Variants in NAA35 observed in about 807,000 individuals in gnomAD.
NAA35 encodes MAK10 homolog, amino-acid N-acetyltransferase subunit.
In NAA35, 18 loss-of-function variants were observed where a neutral mutation model predicts 101.7. That is an observed-to-expected ratio of 0.18 (90% CI 0.12 to 0.26). NAA35 has a LOEUF of 0.26. Among genes scored for constraint, NAA35 ranks in the 10% least tolerant of loss-of-function variants. The pLI, the probability that NAA35 is intolerant of heterozygous loss-of-function variation, is 1.00. For missense variants in NAA35, 601 were observed against 886.8 expected (o/e 0.68, Z 4.09); for synonymous variants, 267 against 273.1 (o/e 0.98, Z 0.22).
intron 13 of NAA35, among the ~76,000 whole-genome samples, chr9:86,006,396 C>T (rs1046314764): frequency 1.3e-5 from 2 of 152,212 alleles, no homozygotes; most frequent in South Asian, 2.1e-4. Flanking sequence ...AAACAGACAA[C>T]CCAAATGTTC....
intron 2 of NAA35, among the ~76,000 whole-genome samples, chr9:85,942,845 T>C (rs1000697965): frequency 6.6e-6 from 1 of 152,242 alleles, no homozygotes; most frequent in African/African-American, 2.4e-5. Flanking sequence ...TTGTTTTCTT[T>C]CTTTTAAATT....
At chr9:85,941,898 T>C (rs1305436097) in intron 1 of NAA35, 23 of 1,183,872 alleles carry the variant, frequency 1.9e-5, no homozygotes, top group Non-Finnish European at 2.3e-5. Flanking sequence ...TGATTTTTCT[T>C]CTTAAACAGT....
At chr9:85,959,364 G>A (rs1829411057) in intron 4 of NAA35, among the ~76,000 whole-genome samples, 1 of 146,348 alleles carries the variant, frequency 6.8e-6, no homozygotes, top group South Asian at 2.1e-4. Context: ...GCGACAGAGT[G>A]AGACTCTGTC....
At chr9:85,956,265 C>A in intron 2 of NAA35, 95 bp from the exon 3 acceptor site, 2 of 690,716 alleles carry the variant, frequency 2.9e-6, no homozygotes, top group Non-Finnish European at 4.6e-6. Flanking sequence ...TAAAGTAATA[C>A]AAGCACATCT....
chr9:86,004,750 TAAAAG>T (rs777216859), intron 13 of NAA35, among the ~76,000 whole-genome samples: 29 of 152,146 alleles, frequency 1.9e-4, no homozygotes, highest in Non-Finnish European at 3.7e-4. Context: ...CTGTAAACAT[TAAAAG>T]AATAGTAATG....
chr9:86,015,374 C>G (rs960076529), intron 17 of NAA35, among the ~76,000 whole-genome samples: 1 of 151,928 alleles, frequency 6.6e-6, no homozygotes, highest in African/African-American at 2.4e-5. Context: ...AGATTGGGCT[C>G]CTGCATTTCC....
Position 85,952,766 on chromosome 9 carries a change from GAAGTC to G in NAA35, c.125-3590_125-3586del, listed in dbSNP as rs1346297781. ...AGGTACCTTATGGTGCAAAATTTAAGAAGTCAAGAACTAAAAGTGAGTACATTTTG... is the reference window on the plus strand; with the variant it reads ...AGGTACCTTATGGTGCAAAATTTAAGAAGAACTAAAAGTGAGTACATTTTG... On this transcript the variant is annotated intron_variant, in intron 2 of 22. Coordinates refer to ENST00000361671, the MANE Select transcript of NAA35 (RefSeq NM_024635.4). Among the ~76,000 whole-genome samples, 3 of 152,190 alleles carry G rather than the reference GAAGTC, an allele frequency of 2.0e-5. No homozygotes were observed. In the East Asian group the frequency reaches 5.8e-4, roughly 29 times the overall value.
At chr9:85,977,257 T>G in intron 9 of NAA35, 106 bp from the exon 10 acceptor site, 1 of 785,504 alleles carries the variant, frequency 1.3e-6, no homozygotes. Flanking sequence ...GTGCCTGTAA[T>G]GTAGTAAGTT....
chr9:85,945,176 G>T (rs1410204389), intron 2 of NAA35, among the ~76,000 whole-genome samples: 1 of 152,154 alleles, frequency 6.6e-6, no homozygotes, highest in African/African-American at 2.4e-5. Context: ...GAGAGGGGGT[G>T]ACATGCCATT....
rs1447427051 is a variant in NAA35 at position 85,961,050 on chromosome 9, CAG to C, written c.349-960_349-959del. ...TGGTGGAGAAGGAGGAAAGGATAAA[CAG>C]AGGGAGGATTTTTGCCAAAGTTGAG... On this transcript the variant is annotated intron_variant, in intron 5 of 22. Coordinates refer to ENST00000361671, the MANE Select transcript of NAA35 (RefSeq NM_024635.4). Among the ~76,000 whole-genome samples the C allele has an allele frequency of 2.6e-5, 4 of 152,194 alleles. 1 individual carries two copies. Among genetic ancestry groups the C allele is most frequent in the African/African-American group, 4.8e-5 (2 of 41,546 alleles).
At chr9:85,977,274 A>C (rs1326218493) in intron 9 of NAA35, 89 bp from the exon 10 acceptor site, 2 of 906,710 alleles carry the variant, frequency 2.2e-6, no homozygotes, top group African/African-American at 1.6e-5. Context: ...AGTTATTAAC[A>C]TTGAGATTTA....
intron 2 of NAA35, among the ~76,000 whole-genome samples, 196 bp from the exon 3 acceptor site, chr9:85,956,164 G>T (rs186513401): frequency 1.3e-5 from 2 of 151,932 alleles, no homozygotes; most frequent in African/African-American, 4.8e-5. Context: ...TTGATTTATC[G>T]TATTCTTTTG....
At chr9:85,972,923 T>C (rs1830056820) in intron 6 of NAA35, among the ~76,000 whole-genome samples, 1 of 152,188 alleles carries the variant, frequency 6.6e-6, no homozygotes, top group Admixed American at 6.5e-5. Context: ...TATATGTAAT[T>C]AAATACACAT....
At chr9:86,018,848 G>A (rs368361946) in intron 21 of NAA35, 27 bp downstream of exon 21, 186 of 1,605,396 alleles carry the variant, frequency 1.2e-4, no homozygotes, top group Non-Finnish European at 1.4e-4. Context: ...AGTAATTCTA[G>A]GGGAAAAGCG....
At chr9:85,966,518 A>C in intron 6 of NAA35, 1 of 706,520 alleles carries the variant, frequency 1.4e-6, no homozygotes, top group South Asian at 2.1e-5. Flanking sequence ...ACTATAATCC[A>C]GGAAATACAA....
At chr9:85,998,236 A>C (rs1355868523) in intron 12 of NAA35, among the ~76,000 whole-genome samples, 1 of 152,156 alleles carries the variant, frequency 6.6e-6, no homozygotes, top group Non-Finnish European at 1.5e-5. Flanking sequence ...ATAGTTTTAC[A>C]TGTAAAAATG....
chr9:85,976,773 A>G (rs1830228607), intron 9 of NAA35, 38 bp downstream of exon 9: 1 of 1,433,324 alleles, frequency 7.0e-7, no homozygotes, highest in East Asian at 2.3e-5. Context: ...ATATCAGAGA[A>G]GTCTACCTGT....
Position 85,967,021 on chromosome 9 carries a change from C to T in NAA35, c.516+4841C>T, listed in dbSNP as rs894143292. On this transcript the variant is annotated intron_variant, in intron 6 of 22. Transcript: ENST00000361671. ...ACTTGGGAGGCTGAGGTGGGAGAATCGCTTGAACCCGGGAGGCTGAGGTGG... is the reference window on the plus strand; with the variant it reads ...ACTTGGGAGGCTGAGGTGGGAGAATTGCTTGAACCCGGGAGGCTGAGGTGG... 4.6e-5 allele frequency among the ~76,000 whole-genome samples: 7 copies of T among 151,726 alleles called. No individual in the cohort carries two copies. In the East Asian group the frequency reaches 5.8e-4, roughly 13 times the overall value.
intron 11 of NAA35, among the ~76,000 whole-genome samples, chr9:85,993,967 C>A (rs1831049363): frequency 6.6e-6 from 1 of 151,636 alleles, no homozygotes. Flanking sequence ...AGCCAGGACA[C>A]CCGGCTAATT....
Sources: gnomAD v4.1 joint callset for allele counts (sites outside exome capture counted in the v4.1 genomes callset) on GRCh38, gnomAD v4.1.1 for gene constraint, MANE v1.5 for transcripts, NCBI Gene and HGNC (gene_info 2026-07-23, HGNC 2026-07-21) for gene names.